KREMEN1: variants seen among roughly 807,000 people sequenced by gnomAD.
The protein encoded by KREMEN1 is kringle containing transmembrane protein 1, also known as kremen protein 1.
KREMEN1 carries 30 observed loss-of-function variants against 46.5 expected under a neutral mutation model. That is an observed-to-expected ratio of 0.65 (90% CI 0.48 to 0.88). The LOEUF is 0.88. KREMEN1 is among the 40% of genes least tolerant of loss of function. The pLI is 0.00. For missense variants in KREMEN1, 533 were observed against 596.9 expected, an observed-to-expected ratio of 0.89 and a Z score of 1.11; for synonymous variants, 214 against 230.6, an observed-to-expected ratio of 0.93 and a Z score of 0.65.
In KREMEN1 at chr22:29,145,085, A is replaced by G. The variant is rs2038835445; in HGVS notation, c.*2973A>G. 9 of 985,616 alleles carry G rather than the reference A, an allele frequency of 9.1e-6. No homozygotes were observed. The highest frequency in any genetic ancestry group is 1.1e-5 in the Non-Finnish European group (9 of 830,022). 61.1% of individuals were successfully genotyped at this position (985,616 alleles called of 1,614,324 possible). A position where few individuals can be genotyped will look rare whatever the true frequency, so the allele number is the denominator to read the frequency against. On this transcript the variant is annotated 3_prime_UTR_variant, in exon 9 of 9. Coordinates refer to ENST00000400335, the MANE Select transcript of KREMEN1 (RefSeq NM_001039570.3). Reference sequence around the variant, plus strand: ...CACTGGCTCCTGCCGCAGCCTGGCTATGGACTCAGTTAGAACCAGGTAGAA... The same window carrying G: ...CACTGGCTCCTGCCGCAGCCTGGCTGTGGACTCAGTTAGAACCAGGTAGAA...
At chr22:29,155,258 G>A (rs571760337) in intron 9 of KREMEN1, among the ~76,000 whole-genome samples, 1 of 152,322 alleles carries the variant, frequency 6.6e-6, no homozygotes, top group South Asian at 2.1e-4. Flanking sequence ...GAGGAGGCCA[G>A]GGGCAGTTGC....
At chr22:29,094,077 T>C (rs2037840966) in intron 1 of KREMEN1, among the ~76,000 whole-genome samples, 181 bp from the exon 2 acceptor site, 2 of 152,226 alleles carry the variant, frequency 1.3e-5, no homozygotes, top group African/African-American at 4.8e-5. Flanking sequence ...GCCTAGCTTT[T>C]TGAGGGTACC....
At chr22:29,138,526 C>T (rs2038705149) in intron 6 of KREMEN1, 98 bp from the exon 7 acceptor site, 1 of 1,243,482 alleles carries the variant, frequency 8.0e-7, no homozygotes, top group Non-Finnish European at 1.2e-6. Context: ...AGAATTGAAT[C>T]AGAGAAGAAC....
At chr22:29,083,254 T>C (rs1028154295) in intron 1 of KREMEN1, among the ~76,000 whole-genome samples, 3 of 152,204 alleles carry the variant, frequency 2.0e-5, no homozygotes, top group African/African-American at 7.2e-5. Context: ...CAAAGTATAA[T>C]AGAATATATT....
chr22:29,139,303 G>A (rs1257547576), intron 7 of KREMEN1, among the ~76,000 whole-genome samples: 1 of 152,158 alleles, frequency 6.6e-6, no homozygotes. Context: ...TAAGAGCTAT[G>A]AAGAAAAGTC....
At chr22:29,083,113 T>C (rs2037681499) in intron 1 of KREMEN1, among the ~76,000 whole-genome samples, 1 of 152,190 alleles carries the variant, frequency 6.6e-6, no homozygotes, top group African/African-American at 2.4e-5. Flanking sequence ...TTTCGCTATG[T>C]TGCCAAGTCT....
intron 3 of KREMEN1, among the ~76,000 whole-genome samples, chr22:29,101,453 G>A (rs768237069): frequency 5.1e-4 from 77 of 152,116 alleles, no homozygotes; most frequent in Non-Finnish European, 6.2e-4. Flanking sequence ...TGAATTTAGT[G>A]TAGCCTAAAT....
chr22:29,167,341 A>G lies in KREMEN1; in HGVS notation c.*235A>G, dbSNP rs369448765. The stretch of plus-strand genomic sequence containing the variant: ...ACCACCACACTCCAGCCTGAGCAGC[A>G]GAGCGGGACCTCGTCTCTAAGAATA... On this transcript the variant is annotated 3_prime_UTR_variant, in exon 10 of 10. Transcript: ENST00000327813. 6.8e-4 allele frequency: 371 copies of G among 544,818 alleles called. 1 individual carries two copies. Among genetic ancestry groups the G allele is most frequent in the African/African-American group, 6.3e-3 (332 of 52,938 alleles). The allele number at this position is 544,818 out of a possible 1,614,324, so 33.7% of individuals were successfully genotyped here.
chr22:29,146,485 T>A lies in KREMEN1; in HGVS notation c.*4373T>A. The A allele has an allele frequency of 1.0e-6, 1 of 985,566 alleles. No homozygotes were observed. The highest frequency in any genetic ancestry group is 1.2e-6 in the Non-Finnish European group (1 of 829,952). The allele number at this position is 985,566 out of a possible 1,614,324, so 61.1% of individuals were successfully genotyped here. A position where few individuals can be genotyped will look rare whatever the true frequency, so the allele number is the denominator to read the frequency against. ...AGGAAGGGTCTTTAGACACAAAGACTGGAGGCCCTTCCCCGCCCGCACGGG... is the reference window on the plus strand; with the variant it reads ...AGGAAGGGTCTTTAGACACAAAGACAGGAGGCCCTTCCCCGCCCGCACGGG... On this transcript the variant is annotated 3_prime_UTR_variant, in exon 9 of 9. Coordinates refer to ENST00000400335, the MANE Select transcript of KREMEN1 (RefSeq NM_001039570.3).
rs1016519506 is a variant in KREMEN1 at position 29,104,395 on chromosome 22, A to G, written c.352+5442A>G. Among the ~76,000 whole-genome samples, 11 of 152,252 alleles carry G rather than the reference A, an allele frequency of 7.2e-5. No individual in the cohort carries two copies. The South Asian group carries it at 2.3e-3, about 32-fold the overall frequency. On this transcript the variant is annotated intron_variant, in intron 3 of 8. Transcript: ENST00000400335. The stretch of plus-strand genomic sequence containing the variant: ...CGGTCTCATACTCCTGGGCTCAGCA[A>G]TCCTCCTGCCTTGGCCTCCCAAATT...
chr22:29,098,291 A>G (rs535664306), intron 2 of KREMEN1, among the ~76,000 whole-genome samples: 9 of 152,276 alleles, frequency 5.9e-5, no homozygotes, highest in African/African-American at 2.2e-4. Context: ...TATTTAACCA[A>G]ACCTTTATTG....
exon 10 of KREMEN1, chr22:29,167,764 C>A (rs2039066311): frequency 1.3e-5 from 2 of 152,386 alleles, no homozygotes; most frequent in South Asian, 4.1e-4. Flanking sequence ...TCCTGTGCGT[C>A]TGTGTCTTTG....
Position 29,073,134 on chromosome 22 carries a change from G to GCGCCGCC in KREMEN1, c.5_11dup (p.Arg7SerfsTer21). ...CGGGGCCCCGCACTGACGGCCCATG[G>GCGCCGCC]CGCCGCCAGCCGCCCGCCTCGCCCT... On this transcript the variant is annotated frameshift_variant, in exon 1 of 9. Transcript: ENST00000400335. LOFTEE classifies it high-confidence loss of function. This position sits in a 1 kb window ranked among gnomAD's most constrained non-coding sequence, Gnocchi z 4.4. The GCGCCGCC allele has an allele frequency of 1.9e-6, 2 of 1,072,684 alleles. No individual in the cohort carries two copies. Among genetic ancestry groups the GCGCCGCC allele is most frequent in the Non-Finnish European group, 2.2e-6 (2 of 889,534 alleles). The allele number at this position is 1,072,684 out of a possible 1,614,324, so 66.4% of individuals were successfully genotyped here.
intron 1 of KREMEN1, among the ~76,000 whole-genome samples, chr22:29,085,033 G>A (rs1956431403): frequency 6.6e-6 from 1 of 152,136 alleles, no homozygotes; most frequent in Admixed American, 6.5e-5. Context: ...AGGGCAGCTC[G>A]TTCTATGGTC....
At chr22:29,140,017 A>C (rs1188778469) in intron 7 of KREMEN1, among the ~76,000 whole-genome samples, 2 of 152,182 alleles carry the variant, frequency 1.3e-5, no homozygotes, top group Non-Finnish European at 2.9e-5. Context: ...TCATCCCTTT[A>C]GATTCTGAGT....
chr22:29,085,249 A>G (rs2037711179), intron 1 of KREMEN1, among the ~76,000 whole-genome samples: 1 of 152,228 alleles, frequency 6.6e-6, no homozygotes, highest in African/African-American at 2.4e-5. Context: ...CAAATAGAGA[A>G]GAGAGTATAA....
At chr22:29,115,443 A>ACC (rs1556008418) in intron 3 of KREMEN1, among the ~76,000 whole-genome samples, 2 of 32,396 alleles carry the variant, frequency 6.2e-5, no homozygotes, top group Non-Finnish European at 1.4e-4. Flanking sequence ...AATAAAAAAA[A>ACC]AAAAAACCAG....
chr22:29,076,635 G>C (rs988843425), intron 1 of KREMEN1, among the ~76,000 whole-genome samples: 1 of 152,192 alleles, frequency 6.6e-6, no homozygotes, highest in African/African-American at 2.4e-5. Context: ...CGGATCACCT[G>C]AGGTCAGGAG....
At chr22:29,078,931 CT>C (rs2037613406) in intron 1 of KREMEN1, among the ~76,000 whole-genome samples, 7 of 152,236 alleles carry the variant, frequency 4.6e-5, no homozygotes, top group Admixed American at 4.6e-4. Context: ...GACATTCCTT[CT>C]ATATTCAGTT....
Sources: gnomAD v4.1 joint callset for allele counts (sites outside exome capture counted in the v4.1 genomes callset) on GRCh38, gnomAD v4.1.1 for gene constraint, Gnocchi (gnomAD v3.1) non-coding constraint, MANE v1.5 for transcripts, NCBI Gene and HGNC (gene_info 2026-07-23, HGNC 2026-07-21) for gene names.